Variants in WDR81 observed in about 807,000 individuals in gnomAD.
WDR81 encodes WD repeat-containing protein 81.
A neutral mutation model predicts 140.8 loss-of-function variants in WDR81; 92 were observed. That is an observed-to-expected ratio of 0.65 (90% CI 0.55 to 0.78). The LOEUF (loss-of-function observed/expected upper bound fraction) is 0.78. Ranked by LOEUF, WDR81 falls within the 30% of genes least tolerant of loss-of-function variation. The probability of loss-of-function intolerance (pLI) is 0.00; values close to 1 mark genes in which losing one functional copy is unlikely to be tolerated. For missense variants in WDR81, 2,502 were observed against 2,636.4 expected (o/e 0.95, Z 1.12); for synonymous variants, 1,183 against 1,156.4 (o/e 1.02, Z -0.47).
At position 1,727,753 on chromosome 17, in the gene WDR81, A is replaced by T. The variant is rs930376112; in HGVS notation, c.2794A>T (p.Met932Leu). The change falls in exon 1 of 10, where the codon ATG becomes TTG. Residue 932 changes from methionine to leucine, a missense_variant. Coordinates refer to ENST00000409644, the MANE Select transcript of WDR81 (RefSeq NM_001163809.2). ...CCTGCTGCCCTTCGTGCTCTCACTC[A>T]TGTCCGAGGAGCACACAGCTGTGTA... The part of the protein sequence containing the change: ...EILLPFVLSL[M>L]SEEHTAVYTA... 9.7e-6 allele frequency: 15 copies of T among 1,550,642 alleles called. No homozygotes were observed. The East Asian group carries it at 3.4e-4, about 35-fold the overall frequency.
chr17:1,734,696 T>C (rs1246248927), intron 7 of WDR81, among the ~76,000 whole-genome samples: 6 of 150,830 alleles, frequency 4.0e-5, no homozygotes, highest in Non-Finnish European at 7.4e-5. Flanking sequence ...GGAGAATCTC[T>C]CAAACTCAGG....
At position 1,725,419 on chromosome 17, in the gene WDR81, G is replaced by T. The variant is rs1219362839; in HGVS notation, c.460G>T (p.Ala154Ser). Residue 154 changes from alanine (A) to serine (S), a missense_variant, in exon 1 of 10, where the codon GCA becomes TCA. By Grantham distance (99) the Ala-to-Ser change is moderately conservative. Around this residue, in one of 3 missense-constraint regions of WDR81, gnomAD observed 547 missense variants for 513.8 expected, o/e 1.06. Transcript: ENST00000409644. ...AQNYRNLWRH[A>S]YHTYGQPYSH... ...GAATTATCGCAACCTGTGGCGCCATGCATACCACACTTACGGCCAGCCGTA... is the reference window on the plus strand; with the variant it reads ...GAATTATCGCAACCTGTGGCGCCATTCATACCACACTTACGGCCAGCCGTA... The T allele has an allele frequency of 1.3e-6, 2 of 1,549,568 alleles. No homozygotes were observed. The highest frequency in any genetic ancestry group is 1.7e-6 in the Non-Finnish European group (2 of 1,146,996).
Position 1,735,110 on chromosome 17 carries a change from C to T in WDR81, c.5180-462C>T, listed in dbSNP as rs1904742595. Among the ~76,000 whole-genome samples the T allele has an allele frequency of 6.6e-6, 1 of 151,838 alleles. No homozygotes were observed. Among genetic ancestry groups the T allele is most frequent in the Non-Finnish European group, 1.5e-5 (1 of 67,950 alleles). On this transcript the variant is annotated intron_variant, in intron 7 of 9. Coordinates refer to ENST00000409644, the MANE Select transcript of WDR81 (RefSeq NM_001163809.2). This position sits in a 1 kb window ranked among gnomAD's most constrained non-coding sequence, Gnocchi z 4.2. ...AGGAGTTGGAGACCAGACTGGCTGA[C>T]ATGGTGAAACCCCATCTCTACTAAG...
rs1290706769 is a variant in WDR81, at chr17:1,728,092, G to A, written c.3133G>A (p.Ala1045Thr). Residue 1045 changes from alanine (A) to threonine (T), a missense_variant, in exon 1 of 10, where the codon GCT (alanine) becomes ACT (threonine). Coordinates refer to ENST00000409644, the MANE Select transcript of WDR81 (RefSeq NM_001163809.2). Reference sequence around the variant, plus strand: ...GCCCGGGGCCGGGCCTGGCTCCTGTGCTTTTGGGGAGGAGATTCCCATGGA... The same window carrying A: ...GCCCGGGGCCGGGCCTGGCTCCTGTACTTTTGGGGAGGAGATTCCCATGGA... ...GLPGAGPGSC[A>T]FGEEIPMDGE... The A allele has an allele frequency of 6.3e-7, 1 of 1,599,944 alleles. No homozygotes were observed. Among genetic ancestry groups the A allele is most frequent in the Non-Finnish European group, 8.5e-7 (1 of 1,173,776 alleles).
chr17:1,722,347 CTTTTT>C (rs543901572), upstream of WDR81, among the ~76,000 whole-genome samples: 13 of 138,264 alleles, frequency 9.4e-5, no homozygotes, highest in Middle Eastern at 3.8e-3. Context: ...TTTTCTCTCT[CTTTTT>C]TTTTTTTTTT....
chr17:1,722,561 G>T (rs1174552586), upstream of WDR81, among the ~76,000 whole-genome samples: 3 of 151,980 alleles, frequency 2.0e-5, no homozygotes, highest in African/African-American at 7.2e-5. Context: ...GGTCAGGCTG[G>T]TCTTGAACTC....
At position 1,726,954 on chromosome 17, in the gene WDR81, T is replaced by G. The variant is rs1915318495; in HGVS notation, c.1995T>G (p.Ala665=). 6.5e-7 allele frequency: 1 copy of G among 1,550,288 alleles called. No homozygotes were observed. Among genetic ancestry groups the G allele is most frequent in the African/African-American group, 1.4e-5 (1 of 73,016 alleles). ...GEDDLEQATE[A]LDSISLAGKA... ...ACGACTTGGAACAGGCCACAGAAGC[T>G]CTGGATTCCATTTCCCTTGCTGGGA... is the stretch of plus-strand genomic sequence containing the variant. Residue 665 remains alanine (A), a synonymous_variant, in exon 1 of 10, where the codon GCT becomes GCG. Coordinates refer to ENST00000409644, the MANE Select transcript of WDR81 (RefSeq NM_001163809.2).
intron 5 of WDR81, 77 bp downstream of exon 5, chr17:1,732,567 T>G: frequency 6.3e-7 from 1 of 1,581,878 alleles, no homozygotes; most frequent in Non-Finnish European, 8.6e-7. Flanking sequence ...ATCTTGCTCA[T>G]AGGATCTGAA....
At position 1,733,903 on chromosome 17, in the gene WDR81, G is replaced by A. The variant is rs747058068; in HGVS notation, c.4866G>A (p.Gln1622=). Residue 1622 remains glutamine, a synonymous_variant, in exon 7 of 10, where the codon CAG becomes CAA. Coordinates refer to ENST00000409644, the MANE Select transcript of WDR81 (RefSeq NM_001163809.2). The part of the protein sequence containing the change: ...GLSGNWLAYW[Q]YEIGVSQQDA... ...GCGGAAACTGGCTGGCGTACTGGCA[G>A]TACGAGATCGGCGTGAGCCAGCAGG... 1.9e-6 allele frequency: 3 copies of A among 1,612,770 alleles called. No individual in the cohort carries two copies. Among genetic ancestry groups the A allele is most frequent in the African/African-American group, 2.7e-5 (2 of 75,058 alleles).
rs762630695 is a variant in WDR81 at position 1,726,354 on chromosome 17, A to C, written c.1395A>C (p.Gly465=). Residue 465 remains glycine, a synonymous_variant, in exon 1 of 10, where the codon GGA becomes GGC. Coordinates refer to ENST00000409644, the MANE Select transcript of WDR81 (RefSeq NM_001163809.2). ...GCACGCCTCGGTCGGTGCTCTGCGG[A>C]CACGTCCGCGCGCAGTGGGAGCCCC... The part of the protein sequence containing the change: ...ARRTPRSVLC[G]HVRAQWEPHE... 32 of 1,547,610 alleles carry C rather than the reference A, an allele frequency of 2.1e-5. No individual in the cohort carries two copies. The South Asian group carries it at 3.8e-4, about 18-fold the overall frequency.
chr17:1,723,301 AG>A (rs1331889517), upstream of WDR81, among the ~76,000 whole-genome samples: 1 of 152,092 alleles, frequency 6.6e-6, no homozygotes, highest in Admixed American at 6.6e-5. Flanking sequence ...AATCTTCAAC[AG>A]GAAGTCTTGG....
Position 1,735,050 on chromosome 17 carries a change from G to A in WDR81, c.5180-522G>A, listed in dbSNP as rs1022039358. ...AGAAACATCTTTAGGCCGATGCAGT[G>A]GCTCACGCCTGTAATCTCAGCACTC... On this transcript the variant is annotated intron_variant, in intron 7 of 9. Coordinates refer to ENST00000409644, the MANE Select transcript of WDR81 (RefSeq NM_001163809.2). The surrounding 1 kb of genome is among the most constrained non-coding windows in gnomAD (Gnocchi z 4.2). Among the ~76,000 whole-genome samples the A allele has an allele frequency of 6.6e-6, 1 of 152,086 alleles. No homozygotes were observed. The highest frequency in any genetic ancestry group is 2.4e-5 in the African/African-American group (1 of 41,416).
intron 6 of WDR81, 158 bp downstream of exon 6, chr17:1,732,989 G>A (rs552042032): frequency 3.3e-6 from 3 of 900,418 alleles, no homozygotes; most frequent in Non-Finnish European, 4.9e-6. Context: ...TACCCCCAAG[G>A]TGACACACAA....
chr17:1,723,457 T>TTTTA (rs60273826), upstream of WDR81, among the ~76,000 whole-genome samples: 15,707 of 130,300 alleles, frequency 0.12, 920 homozygotes, highest in Middle Eastern at 0.17. Context: ...ATTTATTTAT[T>TTTTA]TTTATTTATT....
chr17:1,730,748 G>A lies in WDR81; in HGVS notation c.3776-7G>A, dbSNP rs749326403. 22 of 1,603,200 alleles carry A rather than the reference G, an allele frequency of 1.4e-5. No individual in the cohort carries two copies. Among genetic ancestry groups the A allele is most frequent in the South Asian group, 6.6e-5 (6 of 90,268 alleles). On this transcript the variant is annotated splice_polypyrimidine_tract_variant and splice_region_variant and intron_variant, in intron 2 of 9. Transcript: ENST00000409644. Reference sequence around the variant, plus strand: ...GCGACTCAGGGCTGCTGGCCCTTCCGTGGCAGGACCCACTCGGCAGCAGTT... The same window carrying A: ...GCGACTCAGGGCTGCTGGCCCTTCCATGGCAGGACCCACTCGGCAGCAGTT...
At chr17:1,730,988 G>T in intron 3 of WDR81, 43 bp downstream of exon 3, 1 of 1,607,164 alleles carries the variant, frequency 6.2e-7, no homozygotes. Context: ...GAAGGCTGAG[G>T]ACCTGAGGGC....
upstream of WDR81, among the ~76,000 whole-genome samples, chr17:1,722,911 T>G (rs1024103098): frequency 6.6e-6 from 1 of 152,040 alleles, no homozygotes; most frequent in Non-Finnish European, 1.5e-5. Flanking sequence ...GCCGGGCTGG[T>G]CTTGAACTCC....
At position 1,732,805 on chromosome 17, in the gene WDR81, T is replaced by A; in HGVS notation, c.4463T>A (p.Ile1488Asn). The A allele has an allele frequency of 6.2e-7, 1 of 1,612,064 alleles. No homozygotes were observed. The highest frequency in any genetic ancestry group is 8.5e-7 in the Non-Finnish European group (1 of 1,179,328). The change falls in exon 6 of 10, where the codon ATC becomes AAC. Residue 1488 changes from isoleucine (I) to asparagine (N), a missense_variant. By Grantham distance (149) the Ile-to-Asn change is moderately radical. Coordinates refer to ENST00000409644, the MANE Select transcript of WDR81 (RefSeq NM_001163809.2). ...TTCACCCTGGAGATGGCATACACAA[T>A]CTACGTGCCCTTCTCCTGCCTGTTG... ...KVFTLEMAYT[I>N]YVPFSCLLGD... is the part of the protein sequence containing the mutation.
At chr17:1,720,382 C>T (rs1220718030), upstream of WDR81, among the ~76,000 whole-genome samples, 2 of 152,234 alleles carry the variant, frequency 1.3e-5, no homozygotes, top group Admixed American at 1.3e-4. Flanking sequence ...ACAGACGTTA[C>T]TTCTCAAGAC....
Sources: allele counts gnomAD v4.1 joint callset (sites outside exome capture counted in the v4.1 genomes callset), GRCh38; gene constraint gnomAD v4.1.1; regional missense constraint gnomAD v4.1.1; non-coding constraint Gnocchi (gnomAD v3.1); transcripts MANE v1.5; gene names NCBI Gene and HGNC (gene_info 2026-07-23, HGNC 2026-07-21).